NOL10: variants seen among roughly 807,000 people sequenced by gnomAD.
The protein encoded by NOL10 is nucleolar protein 10, also known as H_NH0074G24.1.
In NOL10, 58 loss-of-function variants were observed where a neutral mutation model predicts 103.5. The ratio of observed to expected loss-of-function variants is 0.56; its 90% CI spans 0.45 to 0.70. The LOEUF (loss-of-function observed/expected upper bound fraction) is 0.70, where lower values mean the gene tolerates loss of function less well. Ranked by LOEUF, NOL10 falls within the 30% of genes least tolerant of loss-of-function variation. The pLI is 0.00. For missense variants in NOL10, 763 were observed against 807.3 expected (o/e 0.95, Z 0.67); for synonymous variants, 287 against 282.5 (o/e 1.02, Z -0.16).
At chr2:10,639,085 G>T (rs1678522532) in intron 13 of NOL10, among the ~76,000 whole-genome samples, 1 of 151,692 alleles carries the variant, frequency 6.6e-6, no homozygotes, top group Non-Finnish European at 1.5e-5. Context: ...TTACAGGCGT[G>T]AGCCACCATG....
intron 2 of NOL10, among the ~76,000 whole-genome samples, chr2:10,683,571 C>T (rs1183400949): frequency 6.6e-6 from 1 of 152,178 alleles, no homozygotes. Flanking sequence ...TGCAAGACCC[C>T]AGCCACTCTT....
At position 10,587,186 on chromosome 2, in the gene NOL10, T is replaced by TATATACAC. The variant is rs1288248403; in HGVS notation, c.1844+1849_1844+1856dup. ...ATATATACACATATATATACACATATATATACACATATATATACACATATA... is the reference window on the plus strand; with the variant it reads ...ATATATACACATATATATACACATATATATACACATATACACATATATATACACATATA... On this transcript the variant is annotated intron_variant, in intron 19 of 20. Coordinates refer to ENST00000381685, the MANE Select transcript of NOL10 (RefSeq NM_024894.4). Among the ~76,000 whole-genome samples, 3 of 45,984 alleles carry TATATACAC rather than the reference T, an allele frequency of 6.5e-5. 1 individual carries two copies. Among genetic ancestry groups the TATATACAC allele is most frequent in the Non-Finnish European group, 1.2e-4 (3 of 25,880 alleles). 30.2% of individuals were successfully genotyped at this position (45,984 alleles called of 152,430 possible). A position where few individuals can be genotyped will look rare whatever the true frequency, so the allele number is the denominator to read the frequency against.
In NOL10 at chr2:10,689,929, G is replaced by T; in HGVS notation, c.-68C>A. On this transcript the variant is annotated 5_prime_UTR_variant, in exon 1 of 21. Transcript: ENST00000381685. ...AGCGTGCTCGAGCACCGTAATCCCGGGACCTCCGAGCCCCTGCTCCGCGGC... is the reference window on the plus strand; with the variant it reads ...AGCGTGCTCGAGCACCGTAATCCCGTGACCTCCGAGCCCCTGCTCCGCGGC... 1.4e-6 allele frequency: 2 copies of T among 1,457,096 alleles called. No homozygotes were observed. Among genetic ancestry groups the T allele is most frequent in the Non-Finnish European group, 9.4e-7 (1 of 1,060,966 alleles). 90.3% of individuals were successfully genotyped at this position (1,457,096 alleles called of 1,614,324 possible).
intron 13 of NOL10, among the ~76,000 whole-genome samples, chr2:10,619,682 AG>A (rs1677019813): frequency 6.6e-6 from 1 of 152,204 alleles, no homozygotes; most frequent in Non-Finnish European, 1.5e-5. Flanking sequence ...TCAATTCTCA[AG>A]GAAGAAAAAG....
chr2:10,620,746 G>C (rs1280771313), intron 13 of NOL10, among the ~76,000 whole-genome samples: 2 of 152,086 alleles, frequency 1.3e-5, no homozygotes, highest in Non-Finnish European at 2.9e-5. Context: ...TGTATATGTG[G>C]GTGTGCATGA....
intron 8 of NOL10, among the ~76,000 whole-genome samples, 164 bp downstream of exon 8, chr2:10,667,054 G>C (rs1170633802): frequency 6.6e-6 from 1 of 152,096 alleles, no homozygotes; most frequent in South Asian, 2.1e-4. Flanking sequence ...GAAAAATGTT[G>C]TGTACATTCA....
At chr2:10,662,923 G>A (rs2148326572) in intron 9 of NOL10, 36 bp downstream of exon 9, 1 of 1,455,386 alleles carries the variant, frequency 6.9e-7, no homozygotes, top group South Asian at 1.2e-5. Context: ...ATTAAAAGTT[G>A]ATGAACATTT....
intron 17 of NOL10, among the ~76,000 whole-genome samples, chr2:10,594,182 G>A (rs115386555): frequency 0.037 from 5,649 of 152,178 alleles, 207 homozygotes; most frequent in African/African-American, 0.093. Context: ...TTCCCAGGAC[G>A]CTTCCTCTTC....
chr2:10,633,379 TA>T (rs1444081440), intron 13 of NOL10, among the ~76,000 whole-genome samples: 2 of 151,692 alleles, frequency 1.3e-5, no homozygotes, highest in Non-Finnish European at 2.9e-5. Flanking sequence ...TCTTATCTAA[TA>T]AAGCTTATGT....
rs1675107776 is a variant in NOL10 at position 10,587,126 on chromosome 2, T to TAC, written c.1844+1916_1844+1917insGT. ...ATATATATACATATATATACATATATATACATATATACACATATATATACA... is the reference window on the plus strand; with the variant it reads ...ATATATATACATATATATACATATATACATACATATATACACATATATATACA... On this transcript the variant is annotated intron_variant, in intron 19 of 20. Transcript: ENST00000381685. Among the ~76,000 whole-genome samples the TAC allele has an allele frequency of 5.8e-5, 3 of 51,728 alleles. 1 individual carries two copies. The highest frequency in any genetic ancestry group is 7.8e-4 in the South Asian group (2 of 2,548). 33.9% of individuals were successfully genotyped at this position (51,728 alleles called of 152,430 possible). A position where few individuals can be genotyped will look rare whatever the true frequency, so the allele number is the denominator to read the frequency against.
Position 10,571,966 on chromosome 2 carries a change from G to A in NOL10, c.*105C>T. The A allele has an allele frequency of 7.4e-7, 1 of 1,349,674 alleles. No homozygotes were observed. The highest frequency in any genetic ancestry group is 1.0e-6 in the Non-Finnish European group (1 of 970,194). The allele number at this position is 1,349,674 out of a possible 1,614,324, so 83.6% of individuals were successfully genotyped here. A position where few individuals can be genotyped will look rare whatever the true frequency, so the allele number is the denominator to read the frequency against. On this transcript the variant is annotated 3_prime_UTR_variant, in exon 21 of 21. Transcript: ENST00000381685. ...TACCTCTGTGTACAAGAACGTACAT[G>A]AACTTTAAAAACGTGTGTTTCCTCG...
intron 17 of NOL10, among the ~76,000 whole-genome samples, chr2:10,595,108 T>C (rs1478272829): frequency 9.1e-6 from 1 of 110,320 alleles, no homozygotes; most frequent in Non-Finnish European, 1.7e-5. Context: ...AGTTAAGAGG[T>C]AGGACTACAG....
intron 16 of NOL10, 134 bp from the exon 17 acceptor site, chr2:10,601,076 T>A: frequency 5.4e-6 from 3 of 550,842 alleles, no homozygotes; most frequent in East Asian, 7.1e-5. Context: ...TTATTATTTT[T>A]TTTTTGAGAT....
chr2:10,589,364 C>T, intron 18 of NOL10, 74 bp from the exon 19 acceptor site: 1 of 1,571,622 alleles, frequency 6.4e-7, no homozygotes, highest in Non-Finnish European at 8.6e-7. Context: ...TCTGAAGCAG[C>T]ACTGGCCCAT....
At chr2:10,601,008 T>A in intron 16 of NOL10, 66 bp from the exon 17 acceptor site, 1 of 944,142 alleles carries the variant, frequency 1.1e-6, no homozygotes, top group Non-Finnish European at 1.6e-6. Flanking sequence ...CATATTAGCT[T>A]AAAGGTAAAC....
intron 3 of NOL10, among the ~76,000 whole-genome samples, chr2:10,680,406 A>G (rs988789401): frequency 6.7e-5 from 10 of 150,262 alleles, no homozygotes; most frequent in African/African-American, 2.5e-4. Context: ...GAGGGAGGAG[A>G]AGGAGAAAAG....
chr2:10,587,067 A>T (rs1231733490), intron 19 of NOL10, among the ~76,000 whole-genome samples: 3 of 41,104 alleles, frequency 7.3e-5, no homozygotes, highest in East Asian at 4.9e-4. Context: ...ATATATATAT[A>T]CATATATATA....
chr2:10,576,414 T>A (rs982461427), intron 20 of NOL10, among the ~76,000 whole-genome samples: 1 of 152,316 alleles, frequency 6.6e-6, no homozygotes, highest in African/African-American at 2.4e-5. Context: ...ATACATTCAT[T>A]TTCACAGCCA....
rs140954052 is a variant in NOL10 at position 10,614,828 on chromosome 2, T to G, written c.1027-7517A>C. Among the ~76,000 whole-genome samples the G allele has an allele frequency of 5.1e-4, 77 of 152,368 alleles. 1 individual carries two copies. The highest frequency in any genetic ancestry group is 1.8e-3 in the African/African-American group (74 of 41,588). On this transcript the variant is annotated intron_variant, in intron 13 of 20. Transcript: ENST00000381685. Reference sequence around the variant, plus strand: ...CTATAAATATCACTGACCACTATTATGATTAATGATAATTTTTCTAATTAC... The same window carrying G: ...CTATAAATATCACTGACCACTATTAGGATTAATGATAATTTTTCTAATTAC...
Sources: gnomAD v4.1 joint callset for allele counts (sites outside exome capture counted in the v4.1 genomes callset) on GRCh38, gnomAD v4.1.1 for gene constraint, MANE v1.5 for transcripts, NCBI Gene and HGNC (gene_info 2026-07-23, HGNC 2026-07-21) for gene names.